The following AP3S1 variants were observed in gnomAD, a reference collection of about 807,000 sequenced individuals.
AP3S1 encodes the protein adaptor related protein complex 3 subunit sigma 1, also known as AP-3 complex subunit sigma-1.
In AP3S1, 12 loss-of-function variants were observed where a neutral mutation model predicts 21.3. The observed-to-expected ratio is 0.56, with a 90% CI of 0.36 to 0.91. The LOEUF is 0.91. Ranked by LOEUF, AP3S1 falls within the 40% of genes least tolerant of loss-of-function variation. The probability of loss-of-function intolerance (pLI) is 0.01; values close to 1 mark genes in which losing one functional copy is unlikely to be tolerated. For missense variants in AP3S1, 116 were observed against 225.0 expected (o/e 0.52, Z 3.10); for synonymous variants, 48 against 78.4 (o/e 0.61, Z 2.05).
At chr5:115,890,279 C>A (rs1750176623) in intron 3 of AP3S1, among the ~76,000 whole-genome samples, 1 of 152,134 alleles carries the variant, frequency 6.6e-6, no homozygotes, top group Admixed American at 6.5e-5. Flanking sequence ...GTAGAATGGA[C>A]ACACTGTGAT....
chr5:115,845,702 C>T (rs896902262), intron 1 of AP3S1, among the ~76,000 whole-genome samples: 2 of 151,760 alleles, frequency 1.3e-5, no homozygotes, highest in African/African-American at 4.8e-5. Context: ...GGCATGGTAG[C>T]GCACGCCTAT....
At chr5:115,850,644 T>G (rs1184575581) in intron 1 of AP3S1, among the ~76,000 whole-genome samples, 1 of 152,230 alleles carries the variant, frequency 6.6e-6, no homozygotes, top group East Asian at 1.9e-4. Flanking sequence ...GGCTTTTCTT[T>G]TAGCACGTCT....
intron 1 of AP3S1, among the ~76,000 whole-genome samples, chr5:115,866,101 G>T (rs1445454294): frequency 6.6e-6 from 1 of 152,056 alleles, no homozygotes; most frequent in Non-Finnish European, 1.5e-5. Flanking sequence ...CGGCCAGGAC[G>T]CTGACTCTTA....
intron 1 of AP3S1, among the ~76,000 whole-genome samples, chr5:115,865,150 A>G (rs1763514212): frequency 6.6e-6 from 1 of 151,966 alleles, no homozygotes; most frequent in African/African-American, 2.4e-5. Context: ...AGACAACAAA[A>G]CAAACACCTC....
chr5:115,853,520 A>G lies in AP3S1; in HGVS notation c.69+11414A>G, dbSNP rs564071323. Among the ~76,000 whole-genome samples the G allele has an allele frequency of 3.0e-4, 45 of 152,192 alleles. No individual in the cohort carries two copies. The East Asian group carries it at 7.1e-3, about 24-fold the overall frequency. On this transcript the variant is annotated intron_variant, in intron 1 of 5. Coordinates refer to ENST00000316788, the MANE Select transcript of AP3S1 (RefSeq NM_001284.4). ...TCTTCACTTGAGCTTTTGGTATCCT[A>G]TCTAAAAAATCTTTGCCTACTCCAA...
chr5:115,849,540 A>C (rs1254905636), intron 1 of AP3S1, among the ~76,000 whole-genome samples: 1 of 152,206 alleles, frequency 6.6e-6, no homozygotes, highest in Non-Finnish European at 1.5e-5. Context: ...CCTGTATGCC[A>C]CACCATGCCC....
chr5:115,858,819 T>G (rs2112803516), intron 1 of AP3S1, among the ~76,000 whole-genome samples: 1 of 150,786 alleles, frequency 6.6e-6, no homozygotes, highest in South Asian at 2.1e-4. Context: ...GTATTATCTT[T>G]TCTTACTTCT....
chr5:115,871,968 A>G (rs965542869), intron 3 of AP3S1, among the ~76,000 whole-genome samples: 3 of 152,182 alleles, frequency 2.0e-5, no homozygotes, highest in Non-Finnish European at 4.4e-5. Context: ...AATTAACCCA[A>G]GCAGACAACT....
chr5:115,891,235 A>G (rs1750271692), intron 3 of AP3S1, among the ~76,000 whole-genome samples: 1 of 152,170 alleles, frequency 6.6e-6, no homozygotes, highest in South Asian at 2.1e-4. Flanking sequence ...GGGAACATAC[A>G]AGATTTTTTT....
intron 1 of AP3S1, among the ~76,000 whole-genome samples, chr5:115,848,769 A>G (rs754235129): frequency 2.0e-5 from 3 of 152,210 alleles, no homozygotes; most frequent in African/African-American, 7.2e-5. Flanking sequence ...AAACTGTCAC[A>G]TTAGGCTAAC....
At chr5:115,865,568 A>G (rs2112824582) in intron 1 of AP3S1, among the ~76,000 whole-genome samples, 1 of 152,276 alleles carries the variant, frequency 6.6e-6, no homozygotes, top group African/African-American at 2.4e-5. Context: ...CACTGGTGAG[A>G]TGAGAGTTTC....
chr5:115,857,343 A>G (rs756961394), intron 1 of AP3S1, among the ~76,000 whole-genome samples: 12 of 152,232 alleles, frequency 7.9e-5, no homozygotes, highest in Non-Finnish European at 1.0e-4. Context: ...AAGTAAGTGT[A>G]TGAACTCAGT....
intron 2 of AP3S1, among the ~76,000 whole-genome samples, chr5:115,869,749 C>G (rs1222159609): frequency 6.6e-6 from 1 of 152,196 alleles, no homozygotes; most frequent in Non-Finnish European, 1.5e-5. Context: ...TTCCCCACTA[C>G]CAGTGCTTGG....
At chr5:115,895,889 T>C (rs573295290) in intron 4 of AP3S1, among the ~76,000 whole-genome samples, 36 of 152,346 alleles carry the variant, frequency 2.4e-4, no homozygotes, top group Non-Finnish European at 5.0e-4. Context: ...TGGGATTTGA[T>C]GGCTTATTGA....
At chr5:115,844,621 T>G (rs1035373296) in intron 1 of AP3S1, among the ~76,000 whole-genome samples, 3 of 152,160 alleles carry the variant, frequency 2.0e-5, no homozygotes, top group African/African-American at 7.2e-5. Context: ...GAACATTAGT[T>G]GGAAGTGTCT....
At chr5:115,844,359 G>T (rs1761901818) in intron 1 of AP3S1, among the ~76,000 whole-genome samples, 1 of 150,668 alleles carries the variant, frequency 6.6e-6, no homozygotes, top group Admixed American at 6.6e-5. Flanking sequence ...ACGTGCTGTG[G>T]AAAAAAAAAT....
chr5:115,892,832 C>T (rs1267075319), intron 3 of AP3S1, among the ~76,000 whole-genome samples: 2 of 152,144 alleles, frequency 1.3e-5, no homozygotes, highest in Non-Finnish European at 2.9e-5. Flanking sequence ...TTGTTTGTAA[C>T]ACAAAGGATA....
intron 3 of AP3S1, among the ~76,000 whole-genome samples, chr5:115,894,089 G>A (rs960258975): frequency 2.0e-4 from 31 of 152,182 alleles, no homozygotes; most frequent in African/African-American, 7.5e-4. Context: ...GCATGCTATG[G>A]TTTATTATAG....
chr5:115,906,852 G>A, intron 5 of AP3S1: 1 of 1,519,444 alleles, frequency 6.6e-7, no homozygotes, highest in Admixed American at 2.0e-5. Flanking sequence ...AGACAGGACA[G>A]GTAGACAAGG....
Sources: allele counts gnomAD v4.1 joint callset (sites outside exome capture counted in the v4.1 genomes callset), GRCh38; gene constraint gnomAD v4.1.1; transcripts MANE v1.5; gene names NCBI Gene and HGNC (gene_info 2026-07-23, HGNC 2026-07-21).